MYO3A: variants seen among roughly 807,000 people sequenced by gnomAD.
The protein encoded by MYO3A is myosin IIIA.
A neutral mutation model predicts 192.7 loss-of-function variants in MYO3A; 180 were observed. The observed-to-expected ratio is 0.93, with a 90% CI of 0.83 to 1.06. The LOEUF is 1.06. MYO3A is among the 50% of genes least tolerant of loss of function. The pLI is 0.00. For missense variants in MYO3A, 1,896 were observed against 1,905.0 expected (o/e 1.00, Z 0.09); for synonymous variants, 628 against 645.3 (o/e 0.97, Z 0.41).
At chr10:26,119,809 A>G (rs1838740085) in intron 17 of MYO3A, among the ~76,000 whole-genome samples, 1 of 152,152 alleles carries the variant, frequency 6.6e-6, no homozygotes, top group African/African-American at 2.4e-5. Context: ...TACCTTAATT[A>G]GGAATGTATG....
At chr10:26,062,388 G>T (rs77173427) in intron 10 of MYO3A, among the ~76,000 whole-genome samples, 1 of 149,544 alleles carries the variant, frequency 6.7e-6, no homozygotes, top group Admixed American at 6.7e-5. Context: ...GCATGGTAGC[G>T]CGCCTGTAGT....
Position 26,096,586 on chromosome 10 carries a change from C to T in MYO3A, c.1680C>T (p.His560=). Residue 560 remains histidine, a synonymous_variant, in exon 17 of 35, where the codon CAC becomes CAT. Coordinates refer to ENST00000642920, the MANE Select transcript of MYO3A (RefSeq NM_017433.5). ...TTTTTAGGTACCTACAAAATGACCA[C>T]CTCAGAACAGTACAAGACATCATGA... The part of the protein sequence containing the change: ...NKPPRYLQND[H]LRTVQDIMNN... 1 of 1,603,660 alleles carries T rather than the reference C, an allele frequency of 6.2e-7. No individual in the cohort carries two copies. The highest frequency in any genetic ancestry group is 8.5e-7 in the Non-Finnish European group (1 of 1,170,766).
At chr10:25,990,120 A>G (rs2130852852) in intron 4 of MYO3A, among the ~76,000 whole-genome samples, 1 of 152,270 alleles carries the variant, frequency 6.6e-6, no homozygotes, top group East Asian at 1.9e-4. Context: ...ATTTAATATT[A>G]CGTAACTTTG....
chr10:26,120,923 A>G, intron 18 of MYO3A, 121 bp downstream of exon 18: 1 of 1,261,554 alleles, frequency 7.9e-7, no homozygotes, highest in East Asian at 2.5e-5. Context: ...AAGAATACTC[A>G]GATTTAATGT....
At chr10:26,006,913 GC>G (rs1321109000) in intron 6 of MYO3A, among the ~76,000 whole-genome samples, 2 of 150,624 alleles carry the variant, frequency 1.3e-5, no homozygotes, top group Admixed American at 1.3e-4. Context: ...CCAAAGCCAG[GC>G]AGAGACACAA....
intron 4 of MYO3A, among the ~76,000 whole-genome samples, chr10:25,969,265 T>A (rs1356378773): frequency 6.6e-6 from 1 of 152,148 alleles, no homozygotes; most frequent in East Asian, 1.9e-4. Flanking sequence ...GCAGGAGTAG[T>A]GTTGCTGGAA....
At chr10:26,064,803 G>C (rs1834709997) in intron 10 of MYO3A, among the ~76,000 whole-genome samples, 1 of 152,118 alleles carries the variant, frequency 6.6e-6, no homozygotes, top group Admixed American at 6.5e-5. Flanking sequence ...TCAGAAGAAA[G>C]GAGTCACCGT....
In MYO3A at chr10:26,143,462, T is replaced by G. The variant is rs1488503902; in HGVS notation, c.2277T>G (p.Asn759Lys). The change falls in exon 21 of 35, where the codon AAT becomes AAG. Residue 759 changes from asparagine (N) to lysine (K), a missense_variant. Asn to Lys is a moderately conservative substitution (Grantham distance 94, BLOSUM62 0). Coordinates refer to ENST00000642920, the MANE Select transcript of MYO3A (RefSeq NM_017433.5). ...VFAWEQNEYL[N>K]EDVDARVIEY... Reference sequence around the variant, plus strand: ...CTTTATTATAGAATGAATACCTAAATGAAGATGTGGATGCTAGAGTTATTG... The same window carrying G: ...CTTTATTATAGAATGAATACCTAAAGGAAGATGTGGATGCTAGAGTTATTG... The G allele has an allele frequency of 6.2e-7, 1 of 1,612,210 alleles. No homozygotes were observed. Among genetic ancestry groups the G allele is most frequent in the Non-Finnish European group, 8.5e-7 (1 of 1,178,432 alleles).
At chr10:26,145,606 T>C in intron 22 of MYO3A, 72 bp downstream of exon 22, 7 of 1,191,892 alleles carry the variant, frequency 5.9e-6, no homozygotes, top group Non-Finnish European at 8.7e-6. Flanking sequence ...GACATGAAAA[T>C]TATGGCCCAA....
chr10:26,149,427 G>T (rs1217549228), intron 23 of MYO3A, among the ~76,000 whole-genome samples: 4 of 151,896 alleles, frequency 2.6e-5, no homozygotes, highest in African/African-American at 9.7e-5. Context: ...TAGAGACAGG[G>T]TTTCACCATG....
intron 31 of MYO3A, among the ~76,000 whole-genome samples, chr10:26,186,498 C>T (rs940727798): frequency 1.3e-5 from 2 of 152,120 alleles, no homozygotes; most frequent in African/African-American, 4.8e-5. Context: ...GATCTCCTGA[C>T]CTCGTGATCT....
At chr10:26,021,988 G>T (rs1338115223) in intron 8 of MYO3A, 2 of 217,652 alleles carry the variant, frequency 9.2e-6, no homozygotes, top group East Asian at 1.1e-4. Context: ...GTTTTGCTTT[G>T]CTTTACCTAC....
At chr10:26,067,936 A>G (rs1001571981) in intron 11 of MYO3A, among the ~76,000 whole-genome samples, 1 of 152,208 alleles carries the variant, frequency 6.6e-6, no homozygotes, top group East Asian at 1.9e-4. Flanking sequence ...TGGTAAATTT[A>G]GGGTTGCATA....
chr10:26,210,020 T>C (rs943922530), intron 34 of MYO3A, among the ~76,000 whole-genome samples: 1 of 151,698 alleles, frequency 6.6e-6, no homozygotes, highest in African/African-American at 2.4e-5. Flanking sequence ...GGAGGATCAG[T>C]TGAGCTTTGG....
At chr10:25,958,436 T>G (rs1040540700) in intron 4 of MYO3A, among the ~76,000 whole-genome samples, 2 of 152,180 alleles carry the variant, frequency 1.3e-5, no homozygotes, top group African/African-American at 4.8e-5. Flanking sequence ...CTCTGTTCTG[T>G]TCCATTGGTC....
chr10:25,988,939 C>CTTT lies in MYO3A; in HGVS notation c.304-7532_304-7530dup, dbSNP rs56308717. On this transcript the variant is annotated intron_variant, in intron 4 of 34. Transcript: ENST00000642920. ...AAGTTTAAAACACAGCCCTAAAACT[C>CTTT]TTTTTTTTTTTTTTTTTTTTTACTT... is the stretch of plus-strand genomic sequence containing the variant. Among the ~76,000 whole-genome samples the CTTT allele has an allele frequency of 2.9e-4, 34 of 116,970 alleles. 1 individual carries two copies. Among genetic ancestry groups the CTTT allele is most frequent in the South Asian group, 1.2e-3 (4 of 3,446 alleles). The allele number at this position is 116,970 out of a possible 152,430, so 76.7% of individuals were successfully genotyped here.
intron 4 of MYO3A, among the ~76,000 whole-genome samples, chr10:25,993,742 CTTT>C (rs1466633042): frequency 2.6e-5 from 4 of 152,192 alleles, no homozygotes; most frequent in African/African-American, 7.2e-5. Flanking sequence ...CAAAGAACTT[CTTT>C]ATTTCTGCCT....
At chr10:26,051,419 A>G (rs1411529124) in intron 10 of MYO3A, among the ~76,000 whole-genome samples, 1 of 151,906 alleles carries the variant, frequency 6.6e-6, no homozygotes, top group African/African-American at 2.4e-5. Context: ...GGGTGAGCAT[A>G]TAGAAAAATA....
At chr10:25,962,272 T>C (rs1421798777) in intron 4 of MYO3A, among the ~76,000 whole-genome samples, 1 of 152,136 alleles carries the variant, frequency 6.6e-6, no homozygotes, top group East Asian at 1.9e-4. Flanking sequence ...ATTTTATAAG[T>C]TTTTGAGCAT....
Sources: gnomAD v4.1 joint callset for allele counts (sites outside exome capture counted in the v4.1 genomes callset) on GRCh38, gnomAD v4.1.1 for gene constraint, MANE v1.5 for transcripts, NCBI Gene and HGNC (gene_info 2026-07-23, HGNC 2026-07-21) for gene names.